Variants in RBMS3 observed in about 807,000 individuals in gnomAD.
RBMS3 encodes the protein RNA-binding motif, single-stranded-interacting protein 3.
Under a neutral mutation model 66.8 loss-of-function variants are expected in RBMS3, and 27 were observed. The ratio of observed to expected loss-of-function variants is 0.40; its 90% CI spans 0.30 to 0.56. The LOEUF (loss-of-function observed/expected upper bound fraction) is 0.56, where lower values mean the gene tolerates loss of function less well. Among genes scored for constraint, RBMS3 ranks in the 20% least tolerant of loss-of-function variants. RBMS3 has a pLI of 0.40. For missense variants in RBMS3, 513 were observed against 549.5 expected, an observed-to-expected ratio of 0.93 and a Z score of 0.66; for synonymous variants, 188 against 183.0, an observed-to-expected ratio of 1.03 and a Z score of -0.22.
chr3:29,613,089 C>T (rs116671896), intron 4 of RBMS3, among the ~76,000 whole-genome samples: 469 of 152,174 alleles, frequency 3.1e-3, no homozygotes, highest in Non-Finnish European at 3.0e-3. Flanking sequence ...ATGAACAATG[C>T]TTCATTGTTT....
At chr3:29,920,068 G>A (rs115018358) in intron 10 of RBMS3, among the ~76,000 whole-genome samples, 5,330 of 151,830 alleles carry the variant, frequency 0.035, 108 homozygotes, top group South Asian at 0.051. Context: ...ACTATTTACC[G>A]CAGGTCTGAC....
At chr3:29,736,701 A>C (rs1201618110) in intron 4 of RBMS3, among the ~76,000 whole-genome samples, 3 of 152,174 alleles carry the variant, frequency 2.0e-5, no homozygotes, top group Non-Finnish European at 4.4e-5. Context: ...AGTTCTAGAC[A>C]TGTGGGACTC....
At chr3:29,545,238 T>G (rs534063745) in intron 3 of RBMS3, among the ~76,000 whole-genome samples, 1 of 152,120 alleles carries the variant, frequency 6.6e-6, no homozygotes, top group East Asian at 1.9e-4. Context: ...TGGAAAGAAA[T>G]AAGCTATAAA....
chr3:29,363,258 G>C (rs986777059), intron 1 of RBMS3, among the ~76,000 whole-genome samples: 18 of 152,112 alleles, frequency 1.2e-4, no homozygotes, highest in African/African-American at 3.9e-4. Context: ...AAATATGCCT[G>C]GGAAGAATTG....
intron 7 of RBMS3, among the ~76,000 whole-genome samples, chr3:29,874,577 T>C (rs1332488168): frequency 1.3e-5 from 2 of 152,204 alleles, no homozygotes; most frequent in Non-Finnish European, 2.9e-5. Flanking sequence ...TATTTACATA[T>C]GTGATCTTGA....
chr3:29,919,907 C>A (rs898964388), intron 10 of RBMS3, among the ~76,000 whole-genome samples: 1 of 152,152 alleles, frequency 6.6e-6, no homozygotes, highest in Non-Finnish European at 1.5e-5. Context: ...TCTTCCTACA[C>A]CCAGATTTTA....
rs940928728 is a variant in RBMS3, at chr3:30,004,941, A to T, written c.*1079A>T. 2.0e-5 allele frequency: 3 copies of T among 151,576 alleles called. No homozygotes were observed. The highest frequency in any genetic ancestry group is 7.3e-5 in the African/African-American group (3 of 41,264). The allele number at this position is 151,576 out of a possible 1,614,324, so 9.4% of individuals were successfully genotyped here. ...CTTATGGTCAAAAAGTGCAAAAAAA[A>T]AAACAAAAAAAAAGCAATAGATAGA... On this transcript the variant is annotated 3_prime_UTR_variant, in exon 15 of 15. Transcript: ENST00000383767.
intron 3 of RBMS3, among the ~76,000 whole-genome samples, chr3:29,549,853 C>T (rs774915154): frequency 2.0e-4 from 30 of 151,964 alleles, no homozygotes; most frequent in Non-Finnish European, 2.5e-4. Context: ...TCTAGCTTTA[C>T]GTGACCCAAC....
intron 1 of RBMS3, among the ~76,000 whole-genome samples, chr3:29,370,897 G>A (rs188271130): frequency 5.2e-4 from 79 of 152,276 alleles, no homozygotes; most frequent in Non-Finnish European, 2.6e-4. Context: ...CATGGCAGAG[G>A]CTAGAGGGAT....
At chr3:29,381,746 A>T (rs998425300) in intron 1 of RBMS3, among the ~76,000 whole-genome samples, 2 of 152,032 alleles carry the variant, frequency 1.3e-5, no homozygotes, top group African/African-American at 4.8e-5. Context: ...TTAGCTAATG[A>T]CTCTATCTGG....
At chr3:29,876,856 C>T (rs1046006763) in intron 7 of RBMS3, among the ~76,000 whole-genome samples, 1 of 151,626 alleles carries the variant, frequency 6.6e-6, no homozygotes, top group Non-Finnish European at 1.5e-5. Context: ...TGGAGACCAA[C>T]AGGTACAAAG....
intron 6 of RBMS3, among the ~76,000 whole-genome samples, chr3:29,800,093 T>A (rs1329087272): frequency 2.0e-5 from 3 of 152,214 alleles, no homozygotes; most frequent in African/African-American, 7.2e-5. Context: ...TAATCAGTTT[T>A]AACTTCTTGA....
intron 4 of RBMS3, among the ~76,000 whole-genome samples, chr3:29,712,556 G>T (rs2053220362): frequency 6.6e-6 from 1 of 152,076 alleles, no homozygotes; most frequent in Admixed American, 6.6e-5. Flanking sequence ...CAAACAATCT[G>T]CCCACCTCGG....
chr3:29,908,659 T>C (rs1262789426), intron 10 of RBMS3, among the ~76,000 whole-genome samples: 1 of 152,110 alleles, frequency 6.6e-6, no homozygotes, highest in Non-Finnish European at 1.5e-5. Context: ...CCCTTAGCTA[T>C]ACCAATCATT....
intron 6 of RBMS3, among the ~76,000 whole-genome samples, chr3:29,844,669 C>T (rs919572480): frequency 6.6e-5 from 10 of 152,160 alleles, no homozygotes; most frequent in East Asian, 1.9e-4. Flanking sequence ...TCAAACAATC[C>T]AGCATTTCCA....
intron 2 of RBMS3, among the ~76,000 whole-genome samples, chr3:29,482,697 C>CTTTTTTTTTTTTTTTTTTTTTTTTTTTTT (rs1216159878): frequency 1.5e-4 from 14 of 92,936 alleles, no homozygotes; most frequent in South Asian, 3.5e-4. Flanking sequence ...TTCTTTCTTT[C>CTTTTTTTTTTTTTTTTTTTTTTTTTTTTT]TTTCTTTTTT....
chr3:29,707,183 G>T (rs2052938893), intron 4 of RBMS3, among the ~76,000 whole-genome samples: 1 of 152,036 alleles, frequency 6.6e-6, no homozygotes, highest in Non-Finnish European at 1.5e-5. Flanking sequence ...TCATATTTCT[G>T]TCCCCCAAAA....
At chr3:29,623,171 T>TG (rs57405166) in intron 4 of RBMS3, among the ~76,000 whole-genome samples, 8,117 of 107,338 alleles carry the variant, frequency 0.076, 288 homozygotes, top group Non-Finnish European at 0.086. Context: ...TAAATTAACT[T>TG]GGGGGGGGGG....
Position 29,387,729 on chromosome 3 carries a change from C to G in RBMS3, c.76-47014C>G, listed in dbSNP as rs963503665. ...CATCCTGGGTAACACGGTGAAACCC[C>G]GTCCCTACTAAAAAATACAAAATAA... On this transcript the variant is annotated intron_variant, in intron 1 of 14. Transcript: ENST00000383767. Among the ~76,000 whole-genome samples the G allele has an allele frequency of 5.9e-5, 9 of 151,780 alleles. 1 individual carries two copies. The highest frequency in any genetic ancestry group is 3.9e-4 in the Admixed American group (6 of 15,212).
Sources: gnomAD v4.1 joint callset for allele counts (sites outside exome capture counted in the v4.1 genomes callset) on GRCh38, gnomAD v4.1.1 for gene constraint, MANE v1.5 for transcripts, NCBI Gene and HGNC (gene_info 2026-07-23, HGNC 2026-07-21) for gene names.